The following HTR3D variants were observed in gnomAD, a reference collection of about 807,000 sequenced individuals.
HTR3D encodes the protein 5-hydroxytryptamine (serotonin) receptor 3 family member D.
HTR3D carries 47 observed loss-of-function variants against 45.8 expected under a neutral mutation model. The observed-to-expected ratio is 1.03, with a 90% confidence interval of 0.81 to 1.31. HTR3D has a LOEUF of 1.31. Among genes scored for constraint, HTR3D ranks in the 50% most tolerant of loss-of-function variants. The pLI is 0.00. For synonymous variants in HTR3D, 203 were observed against 199.8 expected, an observed-to-expected ratio of 1.02 and a Z score of -0.13; for missense variants, 448 against 506.9, an observed-to-expected ratio of 0.88 and a Z score of 1.12.
At position 184,036,857 on chromosome 3, in the gene HTR3D, G is replaced by A; in HGVS notation, c.477G>A (p.Val159=). ...GTATCCAAAAAAGAACAATAAAGGT[G>A]ACCGTGGCCACTAACCAGTATGAAC... ...LLGIQKRTIK[V]TVATNQYEQA... is the part of the protein sequence containing the mutation. Residue 159 remains valine, a synonymous_variant, in exon 5 of 8, where the codon GTG becomes GTA. Transcript: ENST00000428798. The A allele has an allele frequency of 6.4e-7, 1 of 1,551,586 alleles. No homozygotes were observed. The highest frequency in any genetic ancestry group is 8.7e-7 in the Non-Finnish European group (1 of 1,146,942).
intron 1 of HTR3D, chr3:184,032,777 GGA>G (rs2108958846): frequency 7.5e-7 from 1 of 1,329,296 alleles, no homozygotes; most frequent in African/African-American, 1.5e-5. Flanking sequence ...TACTCTTCCT[GGA>G]CCAGGAAGGA....
upstream of HTR3D, chr3:184,031,680 C>T (rs1353394818): frequency 1.7e-6 from 2 of 1,177,768 alleles, no homozygotes; most frequent in Non-Finnish European, 1.2e-6. Context: ...AAGGTGTGAT[C>T]TGAGGTTTTT....
Position 184,036,059 on chromosome 3 carries a change from A to T in HTR3D, c.156A>T (p.Ala52=), listed in dbSNP as rs1722879145. The change falls in exon 3 of 8, where the codon GCA becomes GCT. Residue 52 remains alanine (A), a synonymous_variant. Coordinates refer to ENST00000428798, the MANE Select transcript of HTR3D (RefSeq NM_001145143.1). The part of the protein sequence containing the change: ...ECGGIKKSGM[A]TENLWLSDVF... ...GAGGCATCAAGAAGTCCGGCATGGC[A>T]ACTGAGAACCTATGGCTTTCAGATG... 1.9e-6 allele frequency: 3 copies of T among 1,551,680 alleles called. No individual in the cohort carries two copies. The highest frequency in any genetic ancestry group is 2.6e-6 in the Non-Finnish European group (3 of 1,146,978).
In HTR3D at chr3:184,039,190, T is replaced by C. The variant is rs1484559569; in HGVS notation, c.*215T>C. On this transcript the variant is annotated 3_prime_UTR_variant, in exon 8 of 8. Transcript: ENST00000428798. Reference sequence around the variant, plus strand: ...CCATCAGCCCCACTCAGCCCTCCCATACCTCCCTGGCTCCTCAGGATTCAG... The same window carrying C: ...CCATCAGCCCCACTCAGCCCTCCCACACCTCCCTGGCTCCTCAGGATTCAG... The C allele has an allele frequency of 3.6e-6, 2 of 550,820 alleles. No individual in the cohort carries two copies. Among genetic ancestry groups the C allele is most frequent in the Non-Finnish European group, 6.4e-6 (2 of 313,358 alleles). The allele number at this position is 550,820 out of a possible 1,614,324, so 34.1% of individuals were successfully genotyped here. A position where few individuals can be genotyped will look rare whatever the true frequency, so the allele number is the denominator to read the frequency against.
chr3:184,038,548 C>T lies in HTR3D; in HGVS notation c.909C>T (p.Thr303=), dbSNP rs1434348900. 7.4e-6 allele frequency: 12 copies of T among 1,613,960 alleles called. 1 individual carries two copies. The highest frequency in any genetic ancestry group is 4.5e-5 in the East Asian group (2 of 44,878). The change falls in exon 7 of 8, where the codon ACC becomes ACT. Residue 303 remains threonine (T), a synonymous_variant. Coordinates refer to ENST00000428798, the MANE Select transcript of HTR3D (RefSeq NM_001145143.1). The surrounding 1 kb of genome is among the most constrained non-coding windows in gnomAD (Gnocchi z 4.5). ...RWLHSLLLHC[T]GQGRCCPTAP... is the part of the protein sequence containing the mutation. Reference sequence around the variant, plus strand: ...TCCACTCCCTGCTGCTGCACTGCACCGGCCAAGGGAGATGCTGTCCCACTG... The same window carrying T: ...TCCACTCCCTGCTGCTGCACTGCACTGGCCAAGGGAGATGCTGTCCCACTG...
upstream of HTR3D, chr3:184,031,736 A>G: frequency 6.5e-7 from 1 of 1,549,880 alleles, no homozygotes; most frequent in Non-Finnish European, 8.7e-7. Flanking sequence ...TGCCAAAGAG[A>G]GGAAGATGGA....
In HTR3D at chr3:184,035,704, T is replaced by TG. The variant is rs1560074233; in HGVS notation, c.112-311_112-310insG. Among the ~76,000 whole-genome samples the TG allele has an allele frequency of 1.2e-3, 177 of 151,956 alleles. 2 individuals are homozygous for TG. The highest frequency in any genetic ancestry group is 4.1e-3 in the African/African-American group (168 of 41,452). On this transcript the variant is annotated intron_variant, in intron 2 of 7. Coordinates refer to ENST00000428798, the MANE Select transcript of HTR3D (RefSeq NM_001145143.1). ...CACAATCAATTCTTTTTTTTTTTTT[T>TG]TGAGAGAGTCTCACTCTGTCGCCCA...
Position 184,038,191 on chromosome 3 carries a change from G to A in HTR3D, c.687G>A (p.Met229Ile). The change falls in exon 6 of 8, where the codon ATG becomes ATA. Residue 229 changes from methionine to isoleucine, a missense_variant. By Grantham distance (10) the Met-to-Ile change is conservative. Coordinates refer to ENST00000428798, the MANE Select transcript of HTR3D (RefSeq NM_001145143.1). The surrounding 1 kb of genome is among the most constrained non-coding windows in gnomAD (Gnocchi z 4.5). ...VLLGYSVFLL[M>I]MNDLLPATST... ...TGGGCTACAGCGTCTTCCTGCTCAT[G>A]ATGAATGACTTGCTCCCAGCCACTA... 1.9e-6 allele frequency: 3 copies of A among 1,614,168 alleles called. No individual in the cohort carries two copies. The highest frequency in any genetic ancestry group is 2.5e-6 in the Non-Finnish European group (3 of 1,180,020).
At chr3:184,035,958 G>T in intron 2 of HTR3D, 57 bp from the exon 3 acceptor site, 3 of 1,533,210 alleles carry the variant, frequency 2.0e-6, no homozygotes, top group Non-Finnish European at 2.6e-6. Flanking sequence ...CTTCCAAAGT[G>T]CTGGGATTAC....
rs781167520 is a variant in HTR3D at position 184,031,810 on chromosome 3, A to T, written c.66+3A>T. 1 of 1,549,560 alleles carries T rather than the reference A, an allele frequency of 6.5e-7. No homozygotes were observed. Among genetic ancestry groups the T allele is most frequent in the Non-Finnish European group, 8.7e-7 (1 of 1,145,154 alleles). On this transcript the variant is annotated splice_donor_region_variant and intron_variant, in intron 1 of 7. Coordinates refer to ENST00000428798, the MANE Select transcript of HTR3D (RefSeq NM_001145143.1). ...TCATCCTCCACCTGCTGCTGCAAGT[A>T]CCTTAAGATAAGAGCAAGAGCTGAG...
rs1371666792 is a variant in HTR3D, at chr3:184,038,340, T to A, written c.769+67T>A. ...AGTGAAAAGGGATCCTGGAAAAAGA[T>A]CCTCTGGGAAAGAAACAAGAAATTC... On this transcript the variant is annotated intron_variant, in intron 6 of 7. Transcript: ENST00000428798. The surrounding 1 kb of genome is among the most constrained non-coding windows in gnomAD (Gnocchi z 4.5). 2.5e-6 allele frequency: 4 copies of A among 1,612,116 alleles called. No individual in the cohort carries two copies.
rs1175966822 is a variant in HTR3D, at chr3:184,034,843, T to A, written c.67-335T>A. On this transcript the variant is annotated intron_variant, in intron 1 of 7. Coordinates refer to ENST00000428798, the MANE Select transcript of HTR3D (RefSeq NM_001145143.1). ...ATTCTGTCTCAAAAAAAAGAAAAAA[T>A]GATTTTTAAAAGTGTTTAAAAAATT... 4.6e-5 allele frequency among the ~76,000 whole-genome samples: 7 copies of A among 151,926 alleles called. 1 individual carries two copies. The highest frequency in any genetic ancestry group is 1.0e-4 in the Non-Finnish European group (7 of 67,978).
In HTR3D at chr3:184,035,240, TC is replaced by T; in HGVS notation, c.111+22del. ...TAAATATGGTATGACAGACTCAGTT[TC>T]CCCTTTCCTCTACTCTGGTGCCTCT... On this transcript the variant is annotated intron_variant, in intron 2 of 7. Transcript: ENST00000428798. 6.4e-7 allele frequency: 1 copy of T among 1,550,418 alleles called. No homozygotes were observed. The highest frequency in any genetic ancestry group is 2.4e-5 in the East Asian group (1 of 40,918).
chr3:184,035,978 C>G, intron 2 of HTR3D, 37 bp from the exon 3 acceptor site: 4 of 1,545,724 alleles, frequency 2.6e-6, no homozygotes, highest in Non-Finnish European at 3.5e-6. Context: ...CAGACAGAAG[C>G]CACCATGCCC....
At position 184,038,386 on chromosome 3, in the gene HTR3D, C is replaced by T. The variant is rs373505615; in HGVS notation, c.770-23C>T. ...AATTCTAGGTGGCGCCTCTGGCCCTCATGCAGACCCCCTTGCCTGCAGGTG... is the reference window on the plus strand; with the variant it reads ...AATTCTAGGTGGCGCCTCTGGCCCTTATGCAGACCCCCTTGCCTGCAGGTG... On this transcript the variant is annotated intron_variant, in intron 6 of 7. Coordinates refer to ENST00000428798, the MANE Select transcript of HTR3D (RefSeq NM_001145143.1). The surrounding 1 kb of genome is among the most constrained non-coding windows in gnomAD (Gnocchi z 4.5). 6.2e-7 allele frequency: 1 copy of T among 1,614,038 alleles called. No homozygotes were observed. Among genetic ancestry groups the T allele is most frequent in the Non-Finnish European group, 8.5e-7 (1 of 1,180,014 alleles).
intron 3 of HTR3D, 113 bp downstream of exon 3, chr3:184,036,213 A>G: frequency 6.7e-7 from 1 of 1,483,652 alleles, no homozygotes; most frequent in South Asian, 1.4e-5. Context: ...GTCTGAATTG[A>G]AGAGCTTACA....
intron 3 of HTR3D, 84 bp downstream of exon 3, chr3:184,036,184 C>T (rs1333759257): frequency 3.3e-6 from 5 of 1,496,000 alleles, no homozygotes; most frequent in Non-Finnish European, 4.5e-6. Context: ...CACAAAGACT[C>T]AACTTAGAAA....
intron 1 of HTR3D, chr3:184,033,131 T>G: frequency 2.5e-6 from 3 of 1,201,960 alleles, no homozygotes; most frequent in Non-Finnish European, 3.5e-6. Flanking sequence ...TTTTTTTTTT[T>G]TTTTTTGAGA....
chr3:184,032,942 A>T (rs776490154), intron 1 of HTR3D: 1 of 1,552,676 alleles, frequency 6.4e-7, no homozygotes, highest in Admixed American at 2.0e-5. Context: ...TGGCCAGCAC[A>T]GGGTGGACCC....
Sources: allele counts gnomAD v4.1 joint callset (sites outside exome capture counted in the v4.1 genomes callset), GRCh38; gene constraint gnomAD v4.1.1; non-coding constraint Gnocchi (gnomAD v3.1); transcripts MANE v1.5; gene names NCBI Gene and HGNC (gene_info 2026-07-23, HGNC 2026-07-21).